Variants in PLGRKT observed in about 807,000 individuals in gnomAD.
PLGRKT encodes plasminogen receptor (KT).
In PLGRKT, 22 loss-of-function variants were observed where a neutral mutation model predicts 18.5. The observed-to-expected ratio is 1.19, with a 90% CI of 0.85 to 1.70. The LOEUF is 1.70. Among genes scored for constraint, PLGRKT ranks in the 40% most tolerant of loss-of-function variants. The pLI, the probability that PLGRKT is intolerant of heterozygous loss-of-function variation, is 0.00. For missense variants in PLGRKT, 235 were observed against 174.4 expected, an observed-to-expected ratio of 1.35 and a Z score of -1.96; for synonymous variants, 72 against 52.8, an observed-to-expected ratio of 1.36 and a Z score of -1.58.
intron 3 of PLGRKT, among the ~76,000 whole-genome samples, chr9:5,399,624 T>G (rs1392235040): frequency 6.6e-6 from 1 of 151,900 alleles, no homozygotes; most frequent in Non-Finnish European, 1.5e-5. Flanking sequence ...AAATTTCCCT[T>G]ACTTGTAAGT....
intron 3 of PLGRKT, among the ~76,000 whole-genome samples, chr9:5,409,836 G>C (rs943902310): frequency 1.3e-5 from 2 of 152,222 alleles, no homozygotes; most frequent in African/African-American, 4.8e-5. Flanking sequence ...TATTTGGAAT[G>C]AGAGTGTTTA....
chr9:5,379,274 C>T (rs1437588240), intron 3 of PLGRKT, among the ~76,000 whole-genome samples: 1 of 152,060 alleles, frequency 6.6e-6, no homozygotes, highest in Non-Finnish European at 1.5e-5. Context: ...GTGAACTTTA[C>T]AAGCTCATTG....
intron 3 of PLGRKT, among the ~76,000 whole-genome samples, chr9:5,415,296 A>AGG (rs1818439530): frequency 6.6e-6 from 1 of 152,250 alleles, no homozygotes. Flanking sequence ...CCATAGAGTA[A>AGG]AATGTCCACG....
At chr9:5,423,958 T>G (rs1818626985) in intron 3 of PLGRKT, among the ~76,000 whole-genome samples, 1 of 146,536 alleles carries the variant, frequency 6.8e-6, no homozygotes, top group African/African-American at 2.5e-5. Flanking sequence ...ATATGTAATA[T>G]GTATGTGTAA....
At chr9:5,394,573 C>G (rs754734035) in intron 3 of PLGRKT, among the ~76,000 whole-genome samples, 6 of 151,548 alleles carry the variant, frequency 4.0e-5, no homozygotes, top group Non-Finnish European at 8.8e-5. Context: ...CCACCATGCC[C>G]GGCTAATTTT....
chr9:5,368,256 A>C (rs1015265604), intron 3 of PLGRKT, among the ~76,000 whole-genome samples: 2 of 152,184 alleles, frequency 1.3e-5, no homozygotes, highest in African/African-American at 2.4e-5. Flanking sequence ...AAAATAAATA[A>C]TTTGACAAAA....
chr9:5,358,474 A>C, intron 5 of PLGRKT, 114 bp from the exon 6 acceptor site: 1 of 768,346 alleles, frequency 1.3e-6, no homozygotes, highest in Non-Finnish European at 2.1e-6. Context: ...CCATGTCCCC[A>C]ATCTCACACT....
At chr9:5,372,286 G>C (rs1017681748) in intron 3 of PLGRKT, among the ~76,000 whole-genome samples, 6 of 151,960 alleles carry the variant, frequency 3.9e-5, no homozygotes, top group African/African-American at 1.5e-4. Flanking sequence ...TATTACAACA[G>C]GTGATGCACT....
chr9:5,396,263 G>A (rs1340852753), intron 3 of PLGRKT, among the ~76,000 whole-genome samples: 1 of 151,568 alleles, frequency 6.6e-6, no homozygotes, highest in Non-Finnish European at 1.5e-5. Context: ...ACACTAACAA[G>A]AACACAACAA....
At chr9:5,378,207 G>A (rs781222852) in intron 3 of PLGRKT, among the ~76,000 whole-genome samples, 5 of 152,156 alleles carry the variant, frequency 3.3e-5, no homozygotes, top group Admixed American at 6.5e-5. Flanking sequence ...AAGGATAAAG[G>A]TGCATAAAGA....
At chr9:5,380,638 T>C (rs1480478068) in intron 3 of PLGRKT, among the ~76,000 whole-genome samples, 1 of 152,212 alleles carries the variant, frequency 6.6e-6, no homozygotes, top group Non-Finnish European at 1.5e-5. Flanking sequence ...ATATACTATA[T>C]AATTCACTTT....
At chr9:5,403,461 G>A (rs1330767195) in intron 3 of PLGRKT, among the ~76,000 whole-genome samples, 1 of 152,100 alleles carries the variant, frequency 6.6e-6, no homozygotes, top group East Asian at 1.9e-4. Context: ...CTGACCTCAG[G>A]TGATCCGCCT....
intron 2 of PLGRKT, among the ~76,000 whole-genome samples, chr9:5,435,482 C>T (rs551451516): frequency 1.3e-5 from 2 of 152,318 alleles, no homozygotes; most frequent in African/African-American, 2.4e-5. Flanking sequence ...GCTTCACTCT[C>T]ATTCTCTCCA....
chr9:5,420,107 G>C (rs546181636), intron 3 of PLGRKT, among the ~76,000 whole-genome samples: 23 of 152,330 alleles, frequency 1.5e-4, no homozygotes, highest in African/African-American at 5.1e-4. Context: ...ATGTTAATTG[G>C]AGGAAGCCAG....
At chr9:5,386,817 T>C (rs745877166) in intron 3 of PLGRKT, among the ~76,000 whole-genome samples, 17 of 151,884 alleles carry the variant, frequency 1.1e-4, no homozygotes, top group Non-Finnish European at 1.5e-5. Context: ...TTAGAAACCA[T>C]ACCACAAAAT....
chr9:5,369,131 T>A lies in PLGRKT; in HGVS notation c.82-7243A>T, dbSNP rs575147303. Among the ~76,000 whole-genome samples, 50 of 152,260 alleles carry A rather than the reference T, an allele frequency of 3.3e-4. 1 individual carries two copies. The South Asian group carries it at 9.5e-3, about 29-fold the overall frequency. On this transcript the variant is annotated intron_variant, in intron 3 of 5. Transcript: ENST00000223864. ...TTGGATCTCATCAAACTAAAGAGCT[T>A]CTGCACAGCAAAAGAAACTATCATC...
At chr9:5,412,833 T>C (rs1467185041) in intron 3 of PLGRKT, among the ~76,000 whole-genome samples, 1 of 151,998 alleles carries the variant, frequency 6.6e-6, no homozygotes, top group East Asian at 1.9e-4. Flanking sequence ...CAAGTGACAA[T>C]CTGAGATAAA....
intron 2 of PLGRKT, among the ~76,000 whole-genome samples, 169 bp from the exon 3 acceptor site, chr9:5,432,152 C>T (rs1027760878): frequency 3.3e-5 from 5 of 152,162 alleles, no homozygotes; most frequent in Non-Finnish European, 5.9e-5. Flanking sequence ...GCTGCCTGAC[C>T]TCAGGCATAC....
Position 5,361,901 on chromosome 9 carries a change from C to G in PLGRKT, c.82-13G>C. 6.2e-7 allele frequency: 1 copy of G among 1,608,134 alleles called. No homozygotes were observed. Among genetic ancestry groups the G allele is most frequent in the Non-Finnish European group, 8.5e-7 (1 of 1,177,966 alleles). On this transcript the variant is annotated splice_polypyrimidine_tract_variant and intron_variant, in intron 3 of 5. Transcript: ENST00000223864. ...GCTGCCTTTCCAGCTAAGGACAAAA[C>G]AAAAGACAAAGTAAAGTTACTCATC...
Sources: allele counts gnomAD v4.1 joint callset (sites outside exome capture counted in the v4.1 genomes callset), GRCh38; gene constraint gnomAD v4.1.1; transcripts MANE v1.5; gene names NCBI Gene and HGNC (gene_info 2026-07-23, HGNC 2026-07-21).